The following SSBP2 variants were observed in gnomAD, a reference collection of about 807,000 sequenced individuals.
The protein encoded by SSBP2 is single-stranded DNA-binding protein 2.
Under a neutral mutation model 61.8 loss-of-function variants are expected in SSBP2, and 17 were observed. The observed-to-expected ratio is 0.28, with a 90% CI of 0.19 to 0.41. The LOEUF (loss-of-function observed/expected upper bound fraction) is 0.41, where lower values mean the gene tolerates loss of function less well. Among genes scored for constraint, SSBP2 ranks in the 10% least tolerant of loss-of-function variants. The pLI, the probability that SSBP2 is intolerant of heterozygous loss-of-function variation, is 1.00. For missense variants in SSBP2, 310 were observed against 458.7 expected (o/e 0.68, Z 2.96); for synonymous variants, 139 against 141.3 (o/e 0.98, Z 0.12).
At chr5:81,638,183 G>A (rs1446571398) in intron 2 of SSBP2, among the ~76,000 whole-genome samples, 2 of 151,396 alleles carry the variant, frequency 1.3e-5, no homozygotes, top group Admixed American at 6.6e-5. Flanking sequence ...CAGCACACCA[G>A]CATGGCACAT....
intron 3 of SSBP2, among the ~76,000 whole-genome samples, chr5:81,630,586 A>G (rs1004917893): frequency 6.6e-6 from 1 of 152,174 alleles, no homozygotes; most frequent in African/African-American, 2.4e-5. Flanking sequence ...GAACAAATAT[A>G]ATCTAAAAAT....
At chr5:81,481,546 G>A (rs1269790242) in intron 6 of SSBP2, among the ~76,000 whole-genome samples, 7 of 151,616 alleles carry the variant, frequency 4.6e-5, no homozygotes, top group Non-Finnish European at 8.8e-5. Context: ...CTTGAACCTG[G>A]GAGGTGGAGG....
At chr5:81,613,451 A>AGAT (rs376525099) in intron 4 of SSBP2, among the ~76,000 whole-genome samples, 3 of 152,122 alleles carry the variant, frequency 2.0e-5, no homozygotes, top group Non-Finnish European at 4.4e-5. Flanking sequence ...TATGAATGCA[A>AGAT]GATGATGATG....
At chr5:81,625,988 G>A (rs1465719142) in intron 3 of SSBP2, among the ~76,000 whole-genome samples, 1 of 152,160 alleles carries the variant, frequency 6.6e-6, no homozygotes. Context: ...AATAACTAAG[G>A]AAGTCATTTG....
At chr5:81,568,493 C>A (rs1480761614) in intron 4 of SSBP2, among the ~76,000 whole-genome samples, 2 of 152,102 alleles carry the variant, frequency 1.3e-5, no homozygotes, top group Non-Finnish European at 2.9e-5. Context: ...TTGGGTATGT[C>A]GTTTGCAGCA....
intron 6 of SSBP2, among the ~76,000 whole-genome samples, chr5:81,486,547 A>G (rs1449584382): frequency 6.6e-6 from 1 of 152,146 alleles, no homozygotes; most frequent in Non-Finnish European, 1.5e-5. Context: ...TCCTAGACTT[A>G]TATAATATAC....
intron 1 of SSBP2, among the ~76,000 whole-genome samples, chr5:81,715,626 T>C (rs1034648642): frequency 3.9e-5 from 6 of 152,154 alleles, no homozygotes; most frequent in South Asian, 4.1e-4. Flanking sequence ...AAAGTAACCA[T>C]AGAATACTAC....
chr5:81,418,819 G>C lies in SSBP2; in HGVS notation c.*1685C>G, dbSNP rs1270640966. ...ACTGCTGTATATGCAGTCTGTGGTTGATTGGAATGTCATTATGAGCTGCAT... is the reference window on the plus strand; with the variant it reads ...ACTGCTGTATATGCAGTCTGTGGTTCATTGGAATGTCATTATGAGCTGCAT... On this transcript the variant is annotated 3_prime_UTR_variant, in exon 17 of 17. Transcript: ENST00000320672. The C allele has an allele frequency of 3.3e-5, 5 of 152,180 alleles. No individual in the cohort carries two copies. The highest frequency in any genetic ancestry group is 5.9e-5 in the Non-Finnish European group (4 of 68,028). The allele number at this position is 152,180 out of a possible 1,614,324, so 9.4% of individuals were successfully genotyped here.
intron 4 of SSBP2, among the ~76,000 whole-genome samples, chr5:81,515,285 G>C (rs1467464698): frequency 6.6e-6 from 1 of 151,926 alleles, no homozygotes; most frequent in Non-Finnish European, 1.5e-5. Flanking sequence ...TTACTGTCAT[G>C]TAGAAGTTGC....
chr5:81,636,096 G>T (rs1156565744), intron 3 of SSBP2, among the ~76,000 whole-genome samples: 1 of 152,158 alleles, frequency 6.6e-6, no homozygotes, highest in Non-Finnish European at 1.5e-5. Flanking sequence ...GATGGGACTA[G>T]TTCCCTTATA....
At chr5:81,673,495 G>A (rs1271304895) in intron 1 of SSBP2, among the ~76,000 whole-genome samples, 1 of 152,090 alleles carries the variant, frequency 6.6e-6, no homozygotes, top group Non-Finnish European at 1.5e-5. Flanking sequence ...CAGCCCATAT[G>A]AAAAGACAGG....
chr5:81,482,649 T>A (rs1374925390), intron 6 of SSBP2, among the ~76,000 whole-genome samples: 1 of 152,180 alleles, frequency 6.6e-6, no homozygotes, highest in Admixed American at 6.5e-5. Context: ...AAGGCCTCAC[T>A]CTGGATTAGG....
intron 4 of SSBP2, among the ~76,000 whole-genome samples, chr5:81,565,473 C>T (rs751570536): frequency 6.6e-6 from 1 of 152,062 alleles, no homozygotes; most frequent in East Asian, 1.9e-4. Context: ...GATTTTATGA[C>T]GTGCCAAAAC....
At chr5:81,727,134 C>T (rs956033579) in intron 1 of SSBP2, among the ~76,000 whole-genome samples, 12 of 152,206 alleles carry the variant, frequency 7.9e-5, no homozygotes, top group African/African-American at 2.2e-4. Context: ...AATCCCAGTT[C>T]TGCCACTTAC....
chr5:81,570,697 T>A (rs1773771338), intron 4 of SSBP2, among the ~76,000 whole-genome samples: 2 of 66,584 alleles, frequency 3.0e-5, no homozygotes, highest in Admixed American at 1.4e-4. Flanking sequence ...ATAATTAAAA[T>A]TTTTTCTGGA....
intron 5 of SSBP2, among the ~76,000 whole-genome samples, chr5:81,501,264 T>C (rs867231126): frequency 0.067 from 2,849 of 42,394 alleles, 563 homozygotes; most frequent in African/African-American, 0.35. Flanking sequence ...TATATATATA[T>C]ATATACACAC....
rs753029216 is a variant in SSBP2, at chr5:81,414,861, T to G, written c.*5643A>C. ...ATAATTATGTTTAATCATTATTGGT[T>G]GTGCTATAAAATAATGTGAATCACA... is the stretch of plus-strand genomic sequence containing the variant. On this transcript the variant is annotated 3_prime_UTR_variant, in exon 17 of 17. Transcript: ENST00000320672. 7.9e-5 allele frequency: 12 copies of G among 152,216 alleles called. No individual in the cohort carries two copies. The highest frequency in any genetic ancestry group is 1.6e-4 in the Non-Finnish European group (11 of 68,024). The allele number at this position is 152,216 out of a possible 1,614,324, so 9.4% of individuals were successfully genotyped here.
chr5:81,658,664 T>C (rs1333317345), intron 1 of SSBP2, among the ~76,000 whole-genome samples: 3 of 152,200 alleles, frequency 2.0e-5, no homozygotes, highest in Admixed American at 2.0e-4. Flanking sequence ...ATAGTATTTG[T>C]CTTCCTCTGC....
rs1261475885 is a variant in SSBP2 at position 81,416,660 on chromosome 5, C to T, written c.*3844G>A. On this transcript the variant is annotated 3_prime_UTR_variant, in exon 17 of 17. Transcript: ENST00000320672. ...TTCTTCATGCCCCAAACTGAACTTA[C>T]TTATTTTCATTTGTTGTCTTTTAAA... The T allele has an allele frequency of 2.6e-5, 4 of 152,150 alleles. No homozygotes were observed. Among genetic ancestry groups the T allele is most frequent in the Non-Finnish European group, 1.5e-5 (1 of 68,040 alleles). The allele number at this position is 152,150 out of a possible 1,614,324, so 9.4% of individuals were successfully genotyped here.
Sources: gnomAD v4.1 joint callset for allele counts (sites outside exome capture counted in the v4.1 genomes callset) on GRCh38, gnomAD v4.1.1 for gene constraint, MANE v1.5 for transcripts, NCBI Gene and HGNC (gene_info 2026-07-23, HGNC 2026-07-21) for gene names.